The following PDE7B variants were observed in gnomAD, a reference collection of about 807,000 sequenced individuals.
PDE7B encodes the protein phosphodiesterase 7B, also known as 3',5'-cyclic-AMP phosphodiesterase 7B.
A neutral mutation model predicts 56.2 loss-of-function variants in PDE7B; 29 were observed. The observed-to-expected ratio is 0.52, with a 90% CI of 0.38 to 0.70. The LOEUF is 0.70. Among genes scored for constraint, PDE7B ranks in the 30% least tolerant of loss-of-function variants. The pLI, the probability that PDE7B is intolerant of heterozygous loss-of-function variation, is 0.00. For synonymous variants in PDE7B, 197 were observed against 196.9 expected (o/e 1.00, Z 0.00); for missense variants, 490 against 565.0 (o/e 0.87, Z 1.35).
At chr6:136,185,816 G>A (rs958134406) in intron 11 of PDE7B, among the ~76,000 whole-genome samples, 7 of 152,002 alleles carry the variant, frequency 4.6e-5, no homozygotes, top group East Asian at 1.9e-4. Context: ...TGCTTAGAAC[G>A]TGCCTGGCAC....
At chr6:136,084,969 C>T (rs547936183) in intron 2 of PDE7B, among the ~76,000 whole-genome samples, 1 of 152,236 alleles carries the variant, frequency 6.6e-6, no homozygotes, top group East Asian at 1.9e-4. Context: ...CTCCACCTAT[C>T]CCCTTCACCC....
At chr6:136,098,878 A>T (rs1258456806) in intron 2 of PDE7B, among the ~76,000 whole-genome samples, 7 of 151,938 alleles carry the variant, frequency 4.6e-5, no homozygotes, top group Non-Finnish European at 1.0e-4. Context: ...TGCACCCATT[A>T]ACTCGTCATT....
At chr6:136,047,149 G>A (rs1322120422) in intron 2 of PDE7B, among the ~76,000 whole-genome samples, 2 of 152,164 alleles carry the variant, frequency 1.3e-5, no homozygotes, top group Non-Finnish European at 2.9e-5. Flanking sequence ...CATGTAACTA[G>A]AAGCATCAGC....
intron 2 of PDE7B, among the ~76,000 whole-genome samples, chr6:136,024,971 G>A (rs187272990): frequency 4.9e-4 from 74 of 152,242 alleles, no homozygotes; most frequent in African/African-American, 1.6e-3. Context: ...TTATTTGCAC[G>A]TTTGTGCTCT....
intron 2 of PDE7B, among the ~76,000 whole-genome samples, chr6:136,103,108 G>A (rs540058319): frequency 5.3e-5 from 8 of 152,120 alleles, no homozygotes; most frequent in Admixed American, 1.3e-4. Context: ...CTCTCTCACC[G>A]ACAGCCCAGG....
intron 2 of PDE7B, among the ~76,000 whole-genome samples, chr6:136,058,286 C>T (rs1253848449): frequency 6.6e-6 from 1 of 152,132 alleles, no homozygotes; most frequent in Non-Finnish European, 1.5e-5. Context: ...CATTAGATAT[C>T]CTCATGAGAT....
At chr6:136,042,264 ATAAT>A (rs1292021436) in intron 2 of PDE7B, among the ~76,000 whole-genome samples, 2 of 152,242 alleles carry the variant, frequency 1.3e-5, no homozygotes, top group African/African-American at 4.8e-5. Context: ...AGGATAGAAA[ATAAT>A]TAAGTAGCTT....
intron 2 of PDE7B, chr6:136,033,933 G>A (rs1179429927): frequency 6.6e-6 from 1 of 152,016 alleles, no homozygotes; most frequent in Non-Finnish European, 1.5e-5. Flanking sequence ...AACTGATGGA[G>A]AGGAAAGTTC....
intron 1 of PDE7B, among the ~76,000 whole-genome samples, chr6:135,908,208 C>A (rs1776149741): frequency 6.6e-6 from 1 of 151,892 alleles, no homozygotes; most frequent in Admixed American, 6.6e-5. Flanking sequence ...CCTGCCTCAA[C>A]CTCCTGAGCT....
intron 3 of PDE7B, among the ~76,000 whole-genome samples, chr6:136,125,282 T>C (rs1778003576): frequency 1.3e-5 from 2 of 152,168 alleles, no homozygotes; most frequent in Admixed American, 1.3e-4. Context: ...ATAAGTTATA[T>C]GTAAGTAAGG....
At chr6:135,932,926 G>A (rs1028408502) in intron 1 of PDE7B, among the ~76,000 whole-genome samples, 1 of 152,128 alleles carries the variant, frequency 6.6e-6, no homozygotes, top group Non-Finnish European at 1.5e-5. Flanking sequence ...TTTACCTGAC[G>A]AGGGCCAGAA....
chr6:136,028,428 A>G (rs371410584), intron 2 of PDE7B, among the ~76,000 whole-genome samples: 4 of 152,244 alleles, frequency 2.6e-5, no homozygotes, highest in Non-Finnish European at 2.9e-5. Flanking sequence ...GTAACATAAT[A>G]TATTTGTTTC....
chr6:136,189,593 C>T (rs1282522916), intron 12 of PDE7B, among the ~76,000 whole-genome samples: 1 of 151,546 alleles, frequency 6.6e-6, no homozygotes, highest in Non-Finnish European at 1.5e-5. Context: ...TTAATTAAAA[C>T]AAAAAAAGGT....
rs558616371 is a variant in PDE7B at position 136,097,786 on chromosome 6, C to T, written c.83-10945C>T. ...CCTCATTTTGCACCGTGTCTCATCC[C>T]GCCGACCTTGTTCTCCTTGCTATGT... On this transcript the variant is annotated intron_variant, in intron 2 of 12. Coordinates refer to ENST00000308191, the MANE Select transcript of PDE7B (RefSeq NM_018945.4). 4.6e-5 allele frequency among the ~76,000 whole-genome samples: 7 copies of T among 151,990 alleles called. No homozygotes were observed. The South Asian group carries it at 8.3e-4, about 18-fold the overall frequency.
chr6:136,050,210 T>A (rs747543962), intron 2 of PDE7B, among the ~76,000 whole-genome samples: 1 of 152,210 alleles, frequency 6.6e-6, no homozygotes, highest in East Asian at 1.9e-4. Context: ...GTGATGGCAC[T>A]ATATAAGTGT....
chr6:135,907,055 C>A (rs1210428298), intron 1 of PDE7B, among the ~76,000 whole-genome samples: 2 of 150,910 alleles, frequency 1.3e-5, no homozygotes, highest in Admixed American at 1.3e-4. Context: ...CTGATGAATG[C>A]TGGTCCTTGG....
Position 135,906,254 on chromosome 6 carries a change from G to A in PDE7B, c.22-41210G>A, listed in dbSNP as rs113699310. Among the ~76,000 whole-genome samples the A allele has an allele frequency of 3.9e-5, 6 of 152,266 alleles. 1 individual carries two copies. Among genetic ancestry groups the A allele is most frequent in the African/African-American group, 1.4e-4 (6 of 41,554 alleles). On this transcript the variant is annotated intron_variant, in intron 1 of 12. Coordinates refer to ENST00000308191, the MANE Select transcript of PDE7B (RefSeq NM_018945.4). ...AGAACTTATTGTATAAATGGTTAACGAGAAAGCCAGAATGATTTGTGATAT... is the reference window on the plus strand; with the variant it reads ...AGAACTTATTGTATAAATGGTTAACAAGAAAGCCAGAATGATTTGTGATAT...
intron 2 of PDE7B, among the ~76,000 whole-genome samples, chr6:135,976,306 G>A (rs1444679001): frequency 2.6e-5 from 4 of 152,166 alleles, no homozygotes; most frequent in Non-Finnish European, 4.4e-5. Flanking sequence ...GGAAGGAGCA[G>A]GAACAGAGAG....
chr6:136,168,536 TAA>T (rs1450297784), intron 8 of PDE7B, among the ~76,000 whole-genome samples: 1 of 152,106 alleles, frequency 6.6e-6, no homozygotes, highest in Admixed American at 6.6e-5. Flanking sequence ...AGGGAGAATG[TAA>T]AAAATTTTGT....
Sources: gnomAD v4.1 joint callset for allele counts (sites outside exome capture counted in the v4.1 genomes callset) on GRCh38, gnomAD v4.1.1 for gene constraint, MANE v1.5 for transcripts, NCBI Gene and HGNC (gene_info 2026-07-23, HGNC 2026-07-21) for gene names.